TIAM1: variants seen among roughly 807,000 people sequenced by gnomAD.
TIAM1 encodes the protein TIAM Rac1 associated GEF 1, also known as rho guanine nucleotide exchange factor TIAM1.
Under a neutral mutation model 163.5 loss-of-function variants are expected in TIAM1, and 65 were observed. The observed-to-expected ratio is 0.40, with a 90% confidence interval of 0.33 to 0.49. The LOEUF (loss-of-function observed/expected upper bound fraction) is 0.49. Among genes scored for constraint, TIAM1 ranks in the 20% least tolerant of loss-of-function variants. TIAM1 has a pLI of 0.77. For missense variants in TIAM1, 1,789 were observed against 2,044.7 expected, an observed-to-expected ratio of 0.87 and a Z score of 2.41; for synonymous variants, 833 against 810.1, an observed-to-expected ratio of 1.03 and a Z score of -0.48.
intron 19 of TIAM1, among the ~76,000 whole-genome samples, chr21:31,150,416 G>C (rs929825022): frequency 6.6e-6 from 1 of 152,128 alleles, no homozygotes; most frequent in Non-Finnish European, 1.5e-5. Context: ...GTGTATGGGG[G>C]CCTATACACA....
chr21:31,389,505 A>C (rs559965753), intron 2 of TIAM1, among the ~76,000 whole-genome samples: 19 of 152,164 alleles, frequency 1.2e-4, no homozygotes, highest in Non-Finnish European at 2.8e-4. Context: ...CACCGCCCCC[A>C]GGCTTCCCAA....
intron 2 of TIAM1, among the ~76,000 whole-genome samples, chr21:31,432,273 G>T (rs766761524): frequency 1.3e-5 from 2 of 151,866 alleles, no homozygotes; most frequent in Non-Finnish European, 2.9e-5. Context: ...GCTAATTTTT[G>T]TATTTTTAGT....
chr21:31,387,736 G>A (rs552295450), intron 2 of TIAM1, among the ~76,000 whole-genome samples: 7 of 152,244 alleles, frequency 4.6e-5, no homozygotes, highest in Admixed American at 2.0e-4. Context: ...CCAGGTGGCC[G>A]TGCATAGTGG....
chr21:31,332,672 A>G (rs949573550), intron 2 of TIAM1, among the ~76,000 whole-genome samples: 1 of 152,074 alleles, frequency 6.6e-6, no homozygotes, highest in Admixed American at 6.6e-5. Context: ...AGCAGTATCA[A>G]CACTGCCACT....
chr21:31,499,312 C>A (rs982000872), intron 1 of TIAM1, among the ~76,000 whole-genome samples: 3 of 152,108 alleles, frequency 2.0e-5, no homozygotes, highest in Admixed American at 2.0e-4. Flanking sequence ...GTAATCTCAG[C>A]ACTTTGGGAG....
intron 9 of TIAM1, among the ~76,000 whole-genome samples, chr21:31,215,376 G>A (rs540018032): frequency 6.6e-6 from 1 of 151,866 alleles, no homozygotes; most frequent in South Asian, 2.1e-4. Flanking sequence ...AGATCACAGG[G>A]TCAGGAGTTC....
intron 6 of TIAM1, among the ~76,000 whole-genome samples, chr21:31,236,291 TG>T (rs2088750224): frequency 6.6e-6 from 1 of 152,180 alleles, no homozygotes; most frequent in African/African-American, 2.4e-5. Flanking sequence ...AATATTTGCC[TG>T]GGGCTCCACA....
At chr21:31,304,611 T>A (rs1301334513) in intron 2 of TIAM1, among the ~76,000 whole-genome samples, 2 of 152,336 alleles carry the variant, frequency 1.3e-5, no homozygotes, top group African/African-American at 4.8e-5. Flanking sequence ...GAAAATTCAA[T>A]AAGACAAAAA....
At chr21:31,226,091 C>T in intron 6 of TIAM1, 141 bp from the exon 7 acceptor site, 1 of 672,018 alleles carries the variant, frequency 1.5e-6, no homozygotes, top group Non-Finnish European at 2.5e-6. Context: ...AACCTGACCT[C>T]CTCTTTCTTC....
intron 6 of TIAM1, among the ~76,000 whole-genome samples, chr21:31,233,006 T>C: frequency 6.6e-6 from 1 of 152,180 alleles, no homozygotes; most frequent in East Asian, 1.9e-4. Context: ...CCCCTTTGAG[T>C]GCAGAGATAA....
At chr21:31,250,886 T>C (rs1333725119) in intron 5 of TIAM1, among the ~76,000 whole-genome samples, 4 of 131,310 alleles carry the variant, frequency 3.0e-5, no homozygotes, top group South Asian at 2.4e-4. Context: ...AGCATGGTTA[T>C]ATAAACAGAA....
intron 2 of TIAM1, among the ~76,000 whole-genome samples, chr21:31,317,576 T>C (rs984158702): frequency 1.3e-5 from 2 of 152,222 alleles, no homozygotes; most frequent in Non-Finnish European, 2.9e-5. Context: ...GGTCAAGAGT[T>C]TGAGACTACC....
In TIAM1 at chr21:31,118,652, C is replaced by T. The variant is rs117481948; in HGVS notation, c.*1716G>A. The stretch of plus-strand genomic sequence containing the variant: ...GCCAGTAAATGCGACGATTAGAAGC[C>T]TCTGCTTCCGTTTTCCATCTGGACG... On this transcript the variant is annotated 3_prime_UTR_variant, in exon 28 of 28. Transcript: ENST00000541036. The T allele has an allele frequency of 0.011, 5,296 of 471,154 alleles. 57 individuals are homozygous for T. Among genetic ancestry groups the T allele is most frequent in the Non-Finnish European group, 0.015 (3,518 of 227,048 alleles). The allele number at this position is 471,154 out of a possible 1,614,324, so 29.2% of individuals were successfully genotyped here. A position where few individuals can be genotyped will look rare whatever the true frequency, so the allele number is the denominator to read the frequency against.
At chr21:31,168,357 G>A (rs938314165) in intron 15 of TIAM1, among the ~76,000 whole-genome samples, 1 of 152,040 alleles carries the variant, frequency 6.6e-6, no homozygotes, top group African/African-American at 2.4e-5. Context: ...CCCCCAAAGT[G>A]CTGGGATTAG....
Position 31,135,934 on chromosome 21 carries a change from G to A in TIAM1, c.3882C>T (p.Phe1294=), listed in dbSNP as rs567504389. 21 of 1,613,910 alleles carry A rather than the reference G, an allele frequency of 1.3e-5. 1 individual carries two copies. The highest frequency in any genetic ancestry group is 9.3e-5 in the African/African-American group (7 of 74,986). Residue 1294 remains phenylalanine, a splice_region_variant and synonymous_variant, in exon 23 of 28, where the codon TTC becomes TTT. Coordinates refer to ENST00000541036, the MANE Select transcript of TIAM1 (RefSeq NM_001353694.2). ...KWKKEPELAA[F]VFKTAVVLVY... Reference sequence around the variant, plus strand: ...ATAAAACGCTTTTCTGATACACACCGAATGCTGCCAACTCTGGTTCCTTTT... The same window carrying A: ...ATAAAACGCTTTTCTGATACACACCAAATGCTGCCAACTCTGGTTCCTTTT...
chr21:31,223,456 C>T lies in TIAM1; in HGVS notation c.1945G>A (p.Val649Met). ...AAGATTCCAAGGCGGCCCATGGCCA[C>T]TTTCGTTGGTCGACTTGCAAAAGCG... is the stretch of plus-strand genomic sequence containing the variant. ...LLAFASRPTKVAMGRLGIFSV... is the reference protein window; with the variant it reads ...LLAFASRPTKMAMGRLGIFSV... The change falls in exon 8 of 28, where the codon GTG becomes ATG. Residue 649 changes from valine to methionine, a missense_variant. Physicochemically the swap from Val to Met is conservative, Grantham distance 21. This residue lies in a region of TIAM1 where 456 missense variants were observed against 586.6 expected (regional missense o/e 0.78). Transcript: ENST00000541036. 6.2e-7 allele frequency: 1 copy of T among 1,614,026 alleles called. No homozygotes were observed. The highest frequency in any genetic ancestry group is 8.5e-7 in the Non-Finnish European group (1 of 1,179,916).
chr21:31,511,993 G>A (rs1373530986), intron 1 of TIAM1, among the ~76,000 whole-genome samples: 1 of 152,168 alleles, frequency 6.6e-6, no homozygotes, highest in East Asian at 1.9e-4. Context: ...ACCACAGCCC[G>A]TGGCAAACTC....
At chr21:31,345,453 A>T (rs755958192), upstream of TIAM1, among the ~76,000 whole-genome samples, 19 of 150,098 alleles carry the variant, frequency 1.3e-4, no homozygotes, top group Non-Finnish European at 2.8e-4. Context: ...CCATATATAT[A>T]TTTTATATAT....
intron 3 of TIAM1, among the ~76,000 whole-genome samples, chr21:31,268,979 T>C (rs1348305706): frequency 6.6e-6 from 1 of 152,148 alleles, no homozygotes; most frequent in Non-Finnish European, 1.5e-5. Context: ...AAGACTCACA[T>C]AGGTTTAAAT....
Sources: allele counts gnomAD v4.1 joint callset (sites outside exome capture counted in the v4.1 genomes callset), GRCh38; gene constraint gnomAD v4.1.1; regional missense constraint gnomAD v4.1.1; transcripts MANE v1.5; gene names NCBI Gene and HGNC (gene_info 2026-07-23, HGNC 2026-07-21).